Variants in CRADD observed in about 807,000 individuals in gnomAD.
CRADD encodes death domain-containing protein CRADD.
Under a neutral mutation model 15.5 loss-of-function variants are expected in CRADD, and 9 were observed. That is an observed-to-expected ratio of 0.58 (90% CI 0.35 to 1.01). CRADD has a LOEUF of 1.01. CRADD is among the 50% of genes least tolerant of loss of function. The probability of loss-of-function intolerance (pLI) is 0.02; values close to 1 mark genes in which losing one functional copy is unlikely to be tolerated. For synonymous variants in CRADD, 118 were observed against 107.6 expected (o/e 1.10, Z -0.60); for missense variants, 227 against 250.3 (o/e 0.91, Z 0.63).
chr12:93,798,418 G>A (rs571914542), intron 2 of CRADD, among the ~76,000 whole-genome samples: 1 of 152,214 alleles, frequency 6.6e-6, no homozygotes, highest in Admixed American at 6.5e-5. Context: ...ACCTTTGTCA[G>A]TCACTCTTGT....
chr12:93,890,362 T>C (rs1236521200), intron 2 of CRADD, among the ~76,000 whole-genome samples: 2 of 152,250 alleles, frequency 1.3e-5, no homozygotes, highest in East Asian at 1.9e-4. Flanking sequence ...CATTTAGATA[T>C]TTCTAGACAA....
At chr12:93,721,450 A>G (rs1565887365) in intron 2 of CRADD, among the ~76,000 whole-genome samples, 1 of 151,384 alleles carries the variant, frequency 6.6e-6, no homozygotes, top group Non-Finnish European at 1.5e-5. Context: ...CACATACACA[A>G]ACACACACAC....
chr12:93,703,220 T>A lies in CRADD; in HGVS notation c.298+24148T>A, dbSNP rs547308190. 1.2e-3 allele frequency among the ~76,000 whole-genome samples: 186 copies of A among 152,282 alleles called. 1 individual carries two copies. Among genetic ancestry groups the A allele is most frequent in the South Asian group, 2.9e-3 (14 of 4,834 alleles). ...GGTGCCATTAGGTGTTGATTTTTTT[T>A]AAAAAGTCCTTTTAATTTAAACAAT... On this transcript the variant is annotated intron_variant, in intron 2 of 2. Coordinates refer to ENST00000332896, the MANE Select transcript of CRADD (RefSeq NM_003805.5).
intron 2 of CRADD, among the ~76,000 whole-genome samples, chr12:93,719,792 T>A (rs563433849): frequency 5.9e-5 from 9 of 152,310 alleles, no homozygotes; most frequent in South Asian, 2.1e-4. Flanking sequence ...ATGTTCTCTT[T>A]TTCATTTCTG....
intron 2 of CRADD, among the ~76,000 whole-genome samples, chr12:93,681,701 T>C (rs1955306521): frequency 6.6e-6 from 1 of 152,190 alleles, no homozygotes. Flanking sequence ...CCCCGGGCAC[T>C]CCTTCCCAAT....
At chr12:93,827,407 T>A (rs11107204) in intron 2 of CRADD, among the ~76,000 whole-genome samples, 4,937 of 152,332 alleles carry the variant, frequency 0.032, 145 homozygotes, top group East Asian at 0.12. Flanking sequence ...TTGTCCCTTT[T>A]TAATGTAGGA....
chr12:93,838,460 G>A (rs934815630), intron 2 of CRADD, among the ~76,000 whole-genome samples: 10 of 151,620 alleles, frequency 6.6e-5, no homozygotes, highest in African/African-American at 2.4e-4. Context: ...CAGCCCCAGG[G>A]GTACCGTGAG....
intron 2 of CRADD, among the ~76,000 whole-genome samples, chr12:93,697,419 C>A (rs2136827256): frequency 6.6e-6 from 1 of 152,294 alleles, no homozygotes; most frequent in East Asian, 1.9e-4. Context: ...TGATCTTGCA[C>A]CTTTATCTTG....
At chr12:93,741,574 T>G (rs1956667691) in intron 2 of CRADD, among the ~76,000 whole-genome samples, 1 of 152,222 alleles carries the variant, frequency 6.6e-6, no homozygotes, top group Non-Finnish European at 1.5e-5. Context: ...AAAGTTAACA[T>G]GACAGGAAAG....
intron 2 of CRADD, among the ~76,000 whole-genome samples, chr12:93,834,542 G>A (rs1305738588): frequency 1.3e-5 from 2 of 152,128 alleles, no homozygotes; most frequent in Non-Finnish European, 2.9e-5. Flanking sequence ...AGGCTGGACT[G>A]CAGTGGCACA....
At chr12:93,704,965 G>T (rs554791647) in intron 2 of CRADD, among the ~76,000 whole-genome samples, 2 of 152,174 alleles carry the variant, frequency 1.3e-5, no homozygotes, top group Admixed American at 6.5e-5. Flanking sequence ...CCTTGATGAG[G>T]CCTGCCTGAT....
At chr12:93,859,327 C>T (rs564977134) in intron 2 of CRADD, 39 of 455,856 alleles carry the variant, frequency 8.6e-5, no homozygotes, top group East Asian at 3.5e-4. Context: ...AGGGTGTTGG[C>T]CATGATCCTT....
chr12:93,771,726 CAG>C (rs1957087438), intron 2 of CRADD, among the ~76,000 whole-genome samples: 1 of 152,182 alleles, frequency 6.6e-6, no homozygotes, highest in African/African-American at 2.4e-5. Flanking sequence ...AAGTAGAAGA[CAG>C]ATAATATAAT....
In CRADD at chr12:93,774,454, A is replaced by G. The variant is rs564690342; in HGVS notation, c.299-75516A>G. On this transcript the variant is annotated intron_variant, in intron 2 of 2. Coordinates refer to ENST00000332896, the MANE Select transcript of CRADD (RefSeq NM_003805.5). ...AGTGGCAGGACCAGAACTTGAACCC[A>G]CTTTCCCCAAATGCTGCTGTTTATT... is the stretch of plus-strand genomic sequence containing the variant. Among the ~76,000 whole-genome samples the G allele has an allele frequency of 7.9e-5, 12 of 152,260 alleles. No homozygotes were observed. In the South Asian group the frequency reaches 8.3e-4, roughly 11 times the overall value.
At chr12:93,790,208 G>T (rs923351470) in intron 2 of CRADD, among the ~76,000 whole-genome samples, 2 of 152,050 alleles carry the variant, frequency 1.3e-5, no homozygotes, top group African/African-American at 4.8e-5. Flanking sequence ...TGTTTCTCTG[G>T]GTGAAAACAA....
At chr12:93,813,845 G>A (rs1021710379) in intron 2 of CRADD, among the ~76,000 whole-genome samples, 1 of 152,116 alleles carries the variant, frequency 6.6e-6, no homozygotes, top group African/African-American at 2.4e-5. Flanking sequence ...TAAAAAAGAG[G>A]AGAGAAAGAA....
chr12:93,888,630 G>C (rs1958555035), intron 2 of CRADD, among the ~76,000 whole-genome samples: 2 of 152,228 alleles, frequency 1.3e-5, no homozygotes, highest in South Asian at 4.2e-4. Context: ...AGCATGCAAG[G>C]CAGGGTGGTG....
chr12:93,823,504 C>A (rs954449277), intron 2 of CRADD, among the ~76,000 whole-genome samples: 6 of 152,102 alleles, frequency 3.9e-5, no homozygotes, highest in African/African-American at 1.4e-4. Flanking sequence ...GTTGTACTTT[C>A]ATTAATTGGT....
chr12:93,723,188 A>AC (rs1956295189), intron 2 of CRADD, among the ~76,000 whole-genome samples: 1 of 152,026 alleles, frequency 6.6e-6, no homozygotes, highest in East Asian at 1.9e-4. Context: ...CCTGAGACAA[A>AC]CCCCCTCTTT....
Sources: allele counts gnomAD v4.1 joint callset (sites outside exome capture counted in the v4.1 genomes callset), GRCh38; gene constraint gnomAD v4.1.1; transcripts MANE v1.5; gene names NCBI Gene and HGNC (gene_info 2026-07-23, HGNC 2026-07-21).